The following LRP1B variants were observed in gnomAD, a reference collection of about 807,000 sequenced individuals.
LRP1B encodes the protein LDL receptor related protein 1B.
A neutral mutation model predicts 556.6 loss-of-function variants in LRP1B; 217 were observed. The ratio of observed to expected loss-of-function variants is 0.39; its 90% CI spans 0.35 to 0.44. The LOEUF (loss-of-function observed/expected upper bound fraction) is 0.44. Among genes scored for constraint, LRP1B ranks in the 20% least tolerant of loss-of-function variants. LRP1B has a pLI of 1.00. For synonymous variants in LRP1B, 2,047 were observed against 1,865.8 expected, an observed-to-expected ratio of 1.10 and a Z score of -2.50; for missense variants, 5,053 against 5,620.8, an observed-to-expected ratio of 0.90 and a Z score of 3.23.
At position 141,722,004 on chromosome 2, in the gene LRP1B, A is replaced by G. The variant is rs552326577; in HGVS notation, c.205+88275T>C. ...AAAATAGTTTCCTCCTCTAATCTTTAGGTAAAACCCAAGTTACTAGAGGAT... is the reference window on the plus strand; with the variant it reads ...AAAATAGTTTCCTCCTCTAATCTTTGGGTAAAACCCAAGTTACTAGAGGAT... On this transcript the variant is annotated intron_variant, in intron 2 of 90. Coordinates refer to ENST00000389484, the MANE Select transcript of LRP1B (RefSeq NM_018557.3). Among the ~76,000 whole-genome samples, 3 of 152,294 alleles carry G rather than the reference A, an allele frequency of 2.0e-5. No homozygotes were observed. The South Asian group carries it at 6.2e-4, about 32-fold the overall frequency.
intron 1 of LRP1B, among the ~76,000 whole-genome samples, chr2:142,048,885 C>T (rs892954357): frequency 6.6e-6 from 1 of 151,998 alleles, no homozygotes; most frequent in Non-Finnish European, 1.5e-5. Context: ...CATAAATTAT[C>T]AGGCCTGAAA....
chr2:140,592,116 A>G (rs1175482125), intron 43 of LRP1B, among the ~76,000 whole-genome samples: 1 of 152,168 alleles, frequency 6.6e-6, no homozygotes, highest in African/African-American at 2.4e-5. Context: ...CTTTTTCTAT[A>G]TATCTCCTTT....
intron 51 of LRP1B, among the ~76,000 whole-genome samples, chr2:140,511,565 T>A (rs34954570): frequency 2.0e-5 from 3 of 151,894 alleles, no homozygotes; most frequent in Non-Finnish European, 2.9e-5. Flanking sequence ...TCTCCCAAAG[T>A]GCTGGGGTTA....
intron 41 of LRP1B, among the ~76,000 whole-genome samples, chr2:140,661,504 T>TA (rs71408466): frequency 0.083 from 10,211 of 122,526 alleles, 399 homozygotes; most frequent in East Asian, 0.15. Flanking sequence ...TACAAATAAT[T>TA]AAAAAAAAAA....
chr2:140,400,762 G>A (rs77718899), intron 66 of LRP1B, among the ~76,000 whole-genome samples: 3,110 of 151,750 alleles, frequency 0.02, 38 homozygotes, highest in African/African-American at 0.029. Flanking sequence ...GTGTCAGGCA[G>A]AAGCCTACAT....
chr2:140,979,670 TACTATA>T (rs1313025761), intron 18 of LRP1B, among the ~76,000 whole-genome samples: 2 of 152,182 alleles, frequency 1.3e-5, no homozygotes, highest in Admixed American at 1.3e-4. Context: ...GAATGAAACC[TACTATA>T]ACTATATGTG....
At chr2:141,206,452 G>A (rs984405321) in intron 6 of LRP1B, among the ~76,000 whole-genome samples, 1 of 152,078 alleles carries the variant, frequency 6.6e-6, no homozygotes, top group Non-Finnish European at 1.5e-5. Flanking sequence ...AGGCGTGGTG[G>A]CGGGCGCCTG....
intron 43 of LRP1B, among the ~76,000 whole-genome samples, chr2:140,570,969 C>T (rs1558974802): frequency 6.6e-6 from 1 of 151,654 alleles, no homozygotes; most frequent in Non-Finnish European, 1.5e-5. Flanking sequence ...ATTCAAAATC[C>T]CTTCATTATA....
At chr2:142,009,819 G>A (rs1702900786) in intron 1 of LRP1B, among the ~76,000 whole-genome samples, 1 of 151,948 alleles carries the variant, frequency 6.6e-6, no homozygotes, top group East Asian at 1.9e-4. Flanking sequence ...AAATAATAGT[G>A]TATATGTAAT....
chr2:141,615,635 G>T (rs1688269582), intron 2 of LRP1B, among the ~76,000 whole-genome samples: 1 of 151,998 alleles, frequency 6.6e-6, no homozygotes. Flanking sequence ...AGTATATTGT[G>T]TTTACAATAG....
chr2:141,090,164 C>T lies in LRP1B; in HGVS notation c.1014-27891G>A, dbSNP rs528886503. 4.6e-5 allele frequency among the ~76,000 whole-genome samples: 7 copies of T among 152,240 alleles called. No individual in the cohort carries two copies. The South Asian group carries it at 1.0e-3, about 23-fold the overall frequency. ...GTTAGTGTTGATTGATTTGCATATA[C>T]GTTTCATCCTTTTTCAGAAAATCTC... On this transcript the variant is annotated intron_variant, in intron 7 of 90. Coordinates refer to ENST00000389484, the MANE Select transcript of LRP1B (RefSeq NM_018557.3).
intron 3 of LRP1B, among the ~76,000 whole-genome samples, chr2:141,323,042 A>G (rs1323927288): frequency 2.0e-5 from 3 of 152,130 alleles, no homozygotes; most frequent in Non-Finnish European, 4.4e-5. Flanking sequence ...TATTACATAT[A>G]AAATGCTTAG....
At chr2:140,436,599 G>T (rs909194382) in intron 66 of LRP1B, among the ~76,000 whole-genome samples, 1 of 149,746 alleles carries the variant, frequency 6.7e-6, no homozygotes, top group Non-Finnish European at 1.5e-5. Context: ...ATATTATACT[G>T]CTCACTGTCT....
rs1352207109 is a variant in LRP1B at position 141,606,585 on chromosome 2, G to A, written c.206-126052C>T. Among the ~76,000 whole-genome samples the A allele has an allele frequency of 1.1e-4, 17 of 152,262 alleles. No individual in the cohort carries two copies. In the East Asian group the frequency reaches 3.1e-3, roughly 28 times the overall value. ...AAAATTGTGATTAAGTCTAAATGAG[G>A]CCTTTAGCATGGGCCTTAATACAAT... On this transcript the variant is annotated intron_variant, in intron 2 of 90. Transcript: ENST00000389484.
At chr2:141,202,348 G>GTGATTCCA (rs1682068017) in intron 6 of LRP1B, among the ~76,000 whole-genome samples, 1 of 152,130 alleles carries the variant, frequency 6.6e-6, no homozygotes, top group Non-Finnish European at 1.5e-5. Context: ...CCACATCTTT[G>GTGATTCCA]CTATTGTGAA....
rs766333522 is a variant in LRP1B at position 141,408,428 on chromosome 2, GCCA to G, written c.343+71965_343+71967del. Among the ~76,000 whole-genome samples, 25 of 152,196 alleles carry G rather than the reference GCCA, an allele frequency of 1.6e-4. 1 individual carries two copies. Among genetic ancestry groups the G allele is most frequent in the Admixed American group, 1.1e-3 (17 of 15,296 alleles). On this transcript the variant is annotated intron_variant, in intron 3 of 90. Coordinates refer to ENST00000389484, the MANE Select transcript of LRP1B (RefSeq NM_018557.3). ...CAAAGTGCTGGGATTACAGGCGTGAGCCACCACACCTGGCCAGGTTTCATAAGG... is the reference window on the plus strand; with the variant it reads ...CAAAGTGCTGGGATTACAGGCGTGAGCCACACCTGGCCAGGTTTCATAAGG...
intron 2 of LRP1B, among the ~76,000 whole-genome samples, chr2:141,639,035 A>C (rs1422794791): frequency 9.1e-6 from 1 of 110,310 alleles, no homozygotes; most frequent in Non-Finnish European, 2.0e-5. Flanking sequence ...GTGTTTCTTT[A>C]TAGCAATGCA....
chr2:142,038,911 A>T (rs890050606), intron 1 of LRP1B, among the ~76,000 whole-genome samples: 13 of 151,578 alleles, frequency 8.6e-5, no homozygotes, highest in Admixed American at 2.6e-4. Flanking sequence ...ATTAAATGAA[A>T]TCTAGGCCAA....
At chr2:141,370,354 GGAT>G in intron 3 of LRP1B, among the ~76,000 whole-genome samples, 1 of 152,200 alleles carries the variant, frequency 6.6e-6, no homozygotes, top group East Asian at 1.9e-4. Context: ...GATTGGTATA[GGAT>G]GATATCTCAT....
Sources: gnomAD v4.1 joint callset for allele counts (sites outside exome capture counted in the v4.1 genomes callset) on GRCh38, gnomAD v4.1.1 for gene constraint, MANE v1.5 for transcripts, NCBI Gene and HGNC (gene_info 2026-07-23, HGNC 2026-07-21) for gene names.